The following PKIA variants were observed in gnomAD, a reference collection of about 807,000 sequenced individuals.
PKIA encodes the protein cAMP-dependent protein kinase inhibitor alpha, also known as PKI-alpha.
Under a neutral mutation model 7.6 loss-of-function variants are expected in PKIA, and 4 were observed. That is an observed-to-expected ratio of 0.52 (90% CI 0.26 to 1.20). The LOEUF is 1.20. PKIA is among the 50% of genes most tolerant of loss of function. PKIA has a pLI of 0.13. For synonymous variants in PKIA, 21 were observed against 30.7 expected (o/e 0.68, Z 1.04); for missense variants, 73 against 86.2 (o/e 0.85, Z 0.61).
At chr8:78,553,089 G>GAAAAAAAA (rs200519145) in intron 1 of PKIA, among the ~76,000 whole-genome samples, 1 of 121,692 alleles carries the variant, frequency 8.2e-6, no homozygotes, top group African/African-American at 3.0e-5. Flanking sequence ...CCATTTGCAG[G>GAAAAAAAA]AAAAAAAAAA....
chr8:78,579,362 C>G (rs960819138), intron 2 of PKIA, among the ~76,000 whole-genome samples: 1 of 152,018 alleles, frequency 6.6e-6, no homozygotes, highest in Non-Finnish European at 1.5e-5. Flanking sequence ...AATTAAACTG[C>G]CTTCTTTGAC....
At chr8:78,558,559 A>G (rs1486891333) in intron 1 of PKIA, 1 of 152,682 alleles carries the variant, frequency 6.5e-6, no homozygotes, top group African/African-American at 2.4e-5. Context: ...CGTGAGAGGT[A>G]CTCACTATCA....
intron 1 of PKIA, among the ~76,000 whole-genome samples, chr8:78,540,567 G>T (rs970010926): frequency 1.3e-5 from 2 of 152,022 alleles, no homozygotes; most frequent in African/African-American, 4.8e-5. Context: ...TAACAGCAAA[G>T]AATATAAAGC....
intron 2 of PKIA, among the ~76,000 whole-genome samples, chr8:78,592,310 AT>A (rs1448577280): frequency 6.6e-6 from 1 of 152,062 alleles, no homozygotes; most frequent in Non-Finnish European, 1.5e-5. Context: ...TTGCTCTTTT[AT>A]TGGAAAATAG....
At chr8:78,589,548 G>A (rs1449439601) in intron 2 of PKIA, among the ~76,000 whole-genome samples, 3 of 152,072 alleles carry the variant, frequency 2.0e-5, no homozygotes, top group African/African-American at 7.2e-5. Flanking sequence ...GATGCCATTC[G>A]GGGTGGGGAA....
intron 1 of PKIA, among the ~76,000 whole-genome samples, chr8:78,526,410 C>T (rs970318411): frequency 1.3e-5 from 2 of 151,988 alleles, no homozygotes; most frequent in Admixed American, 6.6e-5. Context: ...TCTAATCACT[C>T]GTTTCACTGG....
chr8:78,532,455 A>G (rs1324736323), intron 1 of PKIA, among the ~76,000 whole-genome samples: 1 of 150,780 alleles, frequency 6.6e-6, no homozygotes, highest in Non-Finnish European at 1.5e-5. Context: ...GCTTGCAGTG[A>G]GCTGAGATTG....
chr8:78,569,129 G>A (rs1807490546), intron 1 of PKIA, among the ~76,000 whole-genome samples: 1 of 152,150 alleles, frequency 6.6e-6, no homozygotes, highest in African/African-American at 2.4e-5. Context: ...TGCAAGTTGG[G>A]TATAGGAGGC....
intron 1 of PKIA, among the ~76,000 whole-genome samples, chr8:78,525,806 T>C (rs1809530287): frequency 6.6e-6 from 1 of 152,042 alleles, no homozygotes; most frequent in Non-Finnish European, 1.5e-5. Context: ...ATTTTTAATT[T>C]ATTTATTTGG....
chr8:78,587,033 T>A lies in PKIA; in HGVS notation c.-27-11325T>A, dbSNP rs117232285. 7.0e-4 allele frequency among the ~76,000 whole-genome samples: 107 copies of A among 152,310 alleles called. No individual in the cohort carries two copies. The East Asian group carries it at 0.019, about 27-fold the overall frequency. ...GCTGTTTTGTTATTCTTATGGTCAT[T>A]ATTATATCTTGGAACAGACCAGAAA... On this transcript the variant is annotated intron_variant, in intron 2 of 3. Transcript: ENST00000396418.
At chr8:78,565,369 G>A (rs929598317) in intron 1 of PKIA, among the ~76,000 whole-genome samples, 2 of 151,896 alleles carry the variant, frequency 1.3e-5, no homozygotes, top group Non-Finnish European at 2.9e-5. Flanking sequence ...TTATCCACAT[G>A]ATGAAGCCAT....
At chr8:78,578,551 G>T (rs550928392) in intron 2 of PKIA, among the ~76,000 whole-genome samples, 15 of 124,598 alleles carry the variant, frequency 1.2e-4, no homozygotes, top group Non-Finnish European at 1.9e-4. Context: ...TTATTTTTTT[G>T]TTTGCTAAAA....
In PKIA at chr8:78,559,156, A is replaced by T. The variant is rs185706386; in HGVS notation, c.-156-13655A>T. Among the ~76,000 whole-genome samples, 154 of 152,272 alleles carry T rather than the reference A, an allele frequency of 1.0e-3. 1 individual carries two copies. The highest frequency in any genetic ancestry group is 3.5e-3 in the African/African-American group (145 of 41,568). On this transcript the variant is annotated intron_variant, in intron 1 of 3. Coordinates refer to ENST00000396418, the MANE Select transcript of PKIA (RefSeq NM_006823.4). ...AGGGTGGTCTCAAACTCCTGACCTC[A>T]GGTGATCCACCCGCCTCGGCCTCCC...
At chr8:78,579,276 G>T (rs73243270) in intron 2 of PKIA, among the ~76,000 whole-genome samples, 5,319 of 152,050 alleles carry the variant, frequency 0.035, 98 homozygotes, top group African/African-American at 0.044. Context: ...ACAATAGCCA[G>T]AATAATCTTC....
rs1439365478 is a variant in PKIA, at chr8:78,605,132, T to C, written c.*3311T>C. The C allele has an allele frequency of 6.6e-6, 1 of 152,028 alleles. No homozygotes were observed. The highest frequency in any genetic ancestry group is 1.5e-5 in the Non-Finnish European group (1 of 67,952). The allele number at this position is 152,028 out of a possible 1,614,324, so 9.4% of individuals were successfully genotyped here. Reference sequence around the variant, plus strand: ...GGATCTATGATTTATGATGTCTTAATAGACCCTAAATTGTTCTTTAATTAC... The same window carrying C: ...GGATCTATGATTTATGATGTCTTAACAGACCCTAAATTGTTCTTTAATTAC... On this transcript the variant is annotated 3_prime_UTR_variant, in exon 4 of 4. Transcript: ENST00000396418.
intron 2 of PKIA, among the ~76,000 whole-genome samples, chr8:78,587,020 T>G (rs955190073): frequency 1.1e-4 from 16 of 152,198 alleles, no homozygotes; most frequent in African/African-American, 3.1e-4. Flanking sequence ...TGTTTTGTTA[T>G]TCTTATGGTC....
intron 1 of PKIA, among the ~76,000 whole-genome samples, chr8:78,571,190 T>C (rs996755548): frequency 1.3e-5 from 2 of 152,018 alleles, no homozygotes; most frequent in Non-Finnish European, 2.9e-5. Context: ...ATACAAAGTT[T>C]TCCAGGAGAT....
chr8:78,544,377 T>G (rs946156065), intron 1 of PKIA, among the ~76,000 whole-genome samples: 1 of 152,158 alleles, frequency 6.6e-6, no homozygotes, highest in Non-Finnish European at 1.5e-5. Flanking sequence ...CACCACCCTT[T>G]CTCCCTGTAA....
At chr8:78,596,733 T>C (rs1808234118) in intron 2 of PKIA, among the ~76,000 whole-genome samples, 1 of 152,208 alleles carries the variant, frequency 6.6e-6, no homozygotes, top group Non-Finnish European at 1.5e-5. Context: ...TTGACATAAA[T>C]TATTTGCAAG....
Sources: gnomAD v4.1 joint callset for allele counts (sites outside exome capture counted in the v4.1 genomes callset) on GRCh38, gnomAD v4.1.1 for gene constraint, MANE v1.5 for transcripts, NCBI Gene and HGNC (gene_info 2026-07-23, HGNC 2026-07-21) for gene names.